AKAP11: variants seen among roughly 807,000 people sequenced by gnomAD.
AKAP11 encodes A-kinase anchoring protein 11.
AKAP11 carries 36 observed loss-of-function variants against 146.1 expected under a neutral mutation model. That is an observed-to-expected ratio of 0.25 (90% CI 0.19 to 0.33). AKAP11 has a LOEUF of 0.33. Ranked by LOEUF, AKAP11 falls within the 10% of genes least tolerant of loss-of-function variation. The probability of loss-of-function intolerance (pLI) is 1.00; values close to 1 mark genes in which losing one functional copy is unlikely to be tolerated. For synonymous variants in AKAP11, 780 were observed against 786.5 expected (o/e 0.99, Z 0.14); for missense variants, 2,201 against 2,197.0 (o/e 1.00, Z -0.04).
chr13:42,310,349 G>T (rs1241915073), intron 9 of AKAP11, among the ~76,000 whole-genome samples: 1 of 152,156 alleles, frequency 6.6e-6, no homozygotes, highest in African/African-American at 2.4e-5. Context: ...AGTGTCCAGG[G>T]TCTCACCTCC....
intron 1 of AKAP11, among the ~76,000 whole-genome samples, chr13:42,283,622 T>C (rs1384749125): frequency 6.6e-6 from 1 of 152,224 alleles, no homozygotes; most frequent in Non-Finnish European, 1.5e-5. Flanking sequence ...TTCTTCTACC[T>C]TAGGTGCTTG....
chr13:42,302,064 A>C lies in AKAP11; in HGVS notation c.3318A>C (p.Leu1106=). Residue 1106 remains leucine, a synonymous_variant, in exon 8 of 13, where the codon CTA becomes CTC. Coordinates refer to ENST00000025301, the MANE Select transcript of AKAP11 (RefSeq NM_016248.4). ...VIPDTPPSTP[L]VPSRASSEWD... is the part of the protein sequence containing the mutation. ...CTGATACTCCTCCATCAACTCCTCT[A>C]GTACCATCCCGGGCTAGTTCTGAAT... 1 of 1,614,190 alleles carries C rather than the reference A, an allele frequency of 6.2e-7. No homozygotes were observed. The highest frequency in any genetic ancestry group is 8.5e-7 in the Non-Finnish European group (1 of 1,180,016).
At chr13:42,297,219 G>A in intron 6 of AKAP11, 37 bp downstream of exon 6, 3 of 1,362,284 alleles carry the variant, frequency 2.2e-6, no homozygotes, top group Admixed American at 2.8e-5. Flanking sequence ...AGATTTTTAG[G>A]GCAAATTTTA....
upstream of AKAP11, among the ~76,000 whole-genome samples, chr13:42,271,527 T>G (rs1184121804): frequency 6.6e-6 from 1 of 152,144 alleles, no homozygotes; most frequent in Non-Finnish European, 1.5e-5. Context: ...GGCCTTCGGA[T>G]CTGGTGGGGC....
rs993267478 is a variant in AKAP11 at position 42,320,345 on chromosome 13, A to G, written c.*1117A>G. 2 of 122,620 alleles carry G rather than the reference A, an allele frequency of 1.6e-5. No individual in the cohort carries two copies. Among genetic ancestry groups the G allele is most frequent in the African/African-American group, 3.2e-5 (1 of 31,310 alleles). 7.6% of individuals were successfully genotyped at this position (122,620 alleles called of 1,614,324 possible). On this transcript the variant is annotated 3_prime_UTR_variant, in exon 13 of 13. Coordinates refer to ENST00000025301, the MANE Select transcript of AKAP11 (RefSeq NM_016248.4). ...CGCCCCACCCAGATAAACTATATCT[A>G]CACTGTCTCGTCAAGTTCTCTGACA...
chr13:42,317,875 C>T (rs867371503), intron 12 of AKAP11, among the ~76,000 whole-genome samples, 187 bp downstream of exon 12: 21 of 152,170 alleles, frequency 1.4e-4, no homozygotes, highest in Admixed American at 5.2e-4. Context: ...ACCAGTCTGT[C>T]TCATTGCCCC....
Position 42,299,565 on chromosome 13 carries a change from A to T in AKAP11, c.819A>T (p.Ser273=). ...AAACTTCAGTCACAACATCAATTTC[A>T]GAGCCTTGGACCCAAAGGAGTTTCT... The part of the protein sequence containing the change: ...SVKTSVTTSI[S]EPWTQRSFYR... The change falls in exon 8 of 13, where the codon TCA becomes TCT. Residue 273 remains serine, a synonymous_variant. Coordinates refer to ENST00000025301, the MANE Select transcript of AKAP11 (RefSeq NM_016248.4). The T allele has an allele frequency of 6.2e-7, 1 of 1,614,020 alleles. No homozygotes were observed.
intron 7 of AKAP11, among the ~76,000 whole-genome samples, 153 bp downstream of exon 7, chr13:42,298,950 T>G (rs1472251784): frequency 6.6e-6 from 1 of 152,202 alleles, no homozygotes; most frequent in Non-Finnish European, 1.5e-5. Context: ...AGGAAATTCC[T>G]TATGATTTTT....
chr13:42,279,281 A>ACACACT lies in AKAP11; in HGVS notation c.-99-6704_-99-6703insACACTC, dbSNP rs755550071. Reference sequence around the variant, plus strand: ...TGCACACCCACACACACACACACACACTCTCTCTCTCTCACTCACTCACTC... The same window carrying ACACACT: ...TGCACACCCACACACACACACACACACACACTCTCTCTCTCTCTCACTCACTCACTC... On this transcript the variant is annotated intron_variant, in intron 1 of 12. Transcript: ENST00000025301. Among the ~76,000 whole-genome samples the ACACACT allele has an allele frequency of 6.7e-3, 990 of 146,674 alleles. 5 individuals carry two copies. The highest frequency in any genetic ancestry group is 9.2e-3 in the Non-Finnish European group (607 of 66,126).
In AKAP11 at chr13:42,319,952, A is replaced by AGTGTGTGTGTGTGTGTGTGTGTGT. The variant is rs1961013967; in HGVS notation, c.*725_*726insTGTGTGTGTGTGTGTGTGTGTGTG. On this transcript the variant is annotated 3_prime_UTR_variant, in exon 13 of 13. Coordinates refer to ENST00000025301, the MANE Select transcript of AKAP11 (RefSeq NM_016248.4). ...GTGTGTGTGTGTGTGTGTGTGTGTA[A>AGTGTGTGTGTGTGTGTGTGTGTGT]GGGAGTACTTTAACCTTGCCAGTTT... The AGTGTGTGTGTGTGTGTGTGTGTGT allele has an allele frequency of 3.6e-5, 2 of 56,264 alleles. No individual in the cohort carries two copies. The highest frequency in any genetic ancestry group is 8.6e-5 in the African/African-American group (2 of 23,206). 3.5% of individuals were successfully genotyped at this position (56,264 alleles called of 1,614,324 possible).
intron 1 of AKAP11, among the ~76,000 whole-genome samples, chr13:42,279,173 T>C (rs1448966912): frequency 2.6e-5 from 4 of 151,774 alleles, no homozygotes; most frequent in African/African-American, 9.7e-5. Context: ...CAGTTTACGG[T>C]TTTCATCAAA....
At position 42,319,324 on chromosome 13, in the gene AKAP11, A is replaced by T. The variant is rs1049283803; in HGVS notation, c.*96A>T. Reference sequence around the variant, plus strand: ...TAAAATTTGAATAGTGAATATTAACATCGTAAGTCAGTTGGGAGGCAAGTA... The same window carrying T: ...TAAAATTTGAATAGTGAATATTAACTTCGTAAGTCAGTTGGGAGGCAAGTA... On this transcript the variant is annotated 3_prime_UTR_variant, in exon 13 of 13. Transcript: ENST00000025301. 5.0e-5 allele frequency: 73 copies of T among 1,467,594 alleles called. 1 individual carries two copies. The Middle Eastern group carries it at 6.0e-4, about 12-fold the overall frequency. 90.9% of individuals were successfully genotyped at this position (1,467,594 alleles called of 1,614,324 possible).
chr13:42,304,619 C>T (rs577921665), intron 8 of AKAP11, among the ~76,000 whole-genome samples: 1 of 149,556 alleles, frequency 6.7e-6, no homozygotes, highest in African/African-American at 2.4e-5. Flanking sequence ...GGTTAAACTA[C>T]TCTGAAGAAG....
chr13:42,314,955 T>C (rs188419975), intron 11 of AKAP11, among the ~76,000 whole-genome samples: 8 of 152,314 alleles, frequency 5.3e-5, no homozygotes, highest in African/African-American at 1.9e-4. Context: ...TTTCATTATA[T>C]TCAGGCGGTT....
intron 1 of AKAP11, among the ~76,000 whole-genome samples, chr13:42,272,639 C>T (rs1295715280): frequency 6.6e-6 from 1 of 152,166 alleles, no homozygotes; most frequent in Non-Finnish European, 1.5e-5. Flanking sequence ...GGAACATTTG[C>T]AGCGGTTGGG....
chr13:42,317,122 C>T lies in AKAP11; in HGVS notation c.5405-406C>T, dbSNP rs540100389. ...CGAACTCTTGGCCTCAAGCGATCTG[C>T]CCACGTCGGCCTCCCAGAGTGCTGG... On this transcript the variant is annotated intron_variant, in intron 11 of 12. Coordinates refer to ENST00000025301, the MANE Select transcript of AKAP11 (RefSeq NM_016248.4). Among the ~76,000 whole-genome samples the T allele has an allele frequency of 6.6e-5, 10 of 152,304 alleles. No homozygotes were observed. In the East Asian group the frequency reaches 1.9e-3, roughly 29 times the overall value.
In AKAP11 at chr13:42,303,124, T is replaced by G; in HGVS notation, c.4378T>G (p.Ser1460Ala). ...CTCCCAACTGTATAGTTTTTCAACC[T>G]CTCTGGTTCACAGCATAACAAAAGA... ...EVSQLYSFST[S>A]LVHSITKDAK... Residue 1460 changes from serine to alanine, a missense_variant, in exon 8 of 13, where the codon TCT (serine) becomes GCT (alanine). Ser to Ala is a moderately conservative substitution (Grantham distance 99, BLOSUM62 1). This residue lies in a region of AKAP11 where 1,867 missense variants were observed against 1,833.5 expected (regional missense o/e 1.02). Coordinates refer to ENST00000025301, the MANE Select transcript of AKAP11 (RefSeq NM_016248.4). 1.9e-6 allele frequency: 3 copies of G among 1,614,126 alleles called. No homozygotes were observed. Among genetic ancestry groups the G allele is most frequent in the Non-Finnish European group, 2.5e-6 (3 of 1,180,016 alleles).
chr13:42,273,842 A>G (rs1412866961), intron 1 of AKAP11, among the ~76,000 whole-genome samples: 1 of 152,246 alleles, frequency 6.6e-6, no homozygotes, highest in Non-Finnish European at 1.5e-5. Context: ...AAAGGAACTC[A>G]AACCAATTTG....
intron 10 of AKAP11, 150 bp downstream of exon 10, chr13:42,313,280 A>G: frequency 1.6e-6 from 1 of 616,330 alleles, no homozygotes. Context: ...ATGAATTCAC[A>G]TCTAATGAAA....
Sources: gnomAD v4.1 joint callset for allele counts (sites outside exome capture counted in the v4.1 genomes callset) on GRCh38, gnomAD v4.1.1 for gene constraint, gnomAD v4.1.1 regional missense constraint, MANE v1.5 for transcripts, NCBI Gene and HGNC (gene_info 2026-07-23, HGNC 2026-07-21) for gene names.